The following CPNE7 variants were observed in gnomAD, a reference collection of about 807,000 sequenced individuals.
CPNE7 encodes the protein copine-7.
In CPNE7, 78 loss-of-function variants were observed where a neutral mutation model predicts 66.5. The ratio of observed to expected loss-of-function variants is 1.17; its 90% CI spans 0.98 to 1.42. CPNE7 has a LOEUF of 1.42. CPNE7 is among the 40% of genes most tolerant of loss of function. The pLI, the probability that CPNE7 is intolerant of heterozygous loss-of-function variation, is 0.00. For missense variants in CPNE7, 1,012 were observed against 776.6 expected (o/e 1.30, Z -3.60); for synonymous variants, 468 against 336.7 (o/e 1.39, Z -4.27).
intron 2 of CPNE7, among the ~76,000 whole-genome samples, chr16:89,577,943 C>T (rs754552132): frequency 6.6e-6 from 1 of 152,224 alleles, no homozygotes; most frequent in African/African-American, 2.4e-5. Context: ...GTATAAAAGG[C>T]TGTGGAGCGC....
intron 11 of CPNE7, 143 bp downstream of exon 11, chr16:89,590,094 C>G: frequency 1.1e-6 from 1 of 945,652 alleles, no homozygotes; most frequent in Non-Finnish European, 1.6e-6. Context: ...AGCGGGAACC[C>G]CAGCCTTCTA....
intron 14 of CPNE7, 155 bp downstream of exon 14, chr16:89,595,758 G>C (rs1164665074): frequency 2.6e-6 from 2 of 767,028 alleles, no homozygotes; most frequent in African/African-American, 3.4e-5. Flanking sequence ...GTCAAGAGCA[G>C]TATCTGAAGC....
At chr16:89,577,014 C>G (rs1054706250) in intron 1 of CPNE7, among the ~76,000 whole-genome samples, 2 of 152,218 alleles carry the variant, frequency 1.3e-5, no homozygotes, top group African/African-American at 4.8e-5. Flanking sequence ...TACGGGTGGC[C>G]CATGTTTGCC....
At chr16:89,596,461 A>G (rs756807255) in intron 14 of CPNE7, 23 bp from the exon 15 acceptor site, 1 of 1,595,030 alleles carries the variant, frequency 6.3e-7, no homozygotes, top group African/African-American at 1.3e-5. Flanking sequence ...TCCCAGAGGT[A>G]ACTGCGTTGT....
rs370333659 is a variant in CPNE7 at position 89,589,936 on chromosome 16, C to T, written c.1101C>T (p.Ile367=). 2.5e-6 allele frequency: 4 copies of T among 1,613,694 alleles called. No homozygotes were observed. Among genetic ancestry groups the T allele is most frequent in the East Asian group, 2.2e-5 (1 of 44,878 alleles). ...RFSALGFGAR[I]PPKYEVSHDF... ...CCGCTTTGGGGTTTGGAGCCCGGAT[C>T]CCTCCCAAGTATGAGGTAGGAGAGC... The change falls in exon 11 of 15, where the codon ATC becomes ATT. Residue 367 remains isoleucine (I), a synonymous_variant. Transcript: ENST00000319518.
chr16:89,591,122 C>T lies in CPNE7; in HGVS notation c.1169-5C>T, dbSNP rs375005058. The T allele has an allele frequency of 6.2e-6, 10 of 1,612,458 alleles. No homozygotes were observed. Among genetic ancestry groups the T allele is most frequent in the East Asian group, 4.5e-5 (2 of 44,860 alleles). On this transcript the variant is annotated splice_polypyrimidine_tract_variant and splice_region_variant and intron_variant, in intron 12 of 14. Transcript: ENST00000319518. ...GGGGCCGGGCTCACCCCCTGCCCCC[C>T]ACAGGCATCCAGGGCGTGGTGGAGG...
intron 8 of CPNE7, 126 bp downstream of exon 8, chr16:89,586,882 G>A: frequency 8.9e-7 from 1 of 1,127,654 alleles, no homozygotes; most frequent in Non-Finnish European, 1.3e-6. Context: ...GAGGGGCTGA[G>A]AGACGGGGAA....
Position 89,583,742 on chromosome 16 carries a change from G to A in CPNE7, c.403G>A (p.Gly135Ser). ...KVTRPLLLKF[G>S]RNAGKSTITV... ...GACCCGCCCGCTGCTGCTCAAGTTT[G>A]GCAGGAACGCTGGCAAGTCCACCAT... The change falls in exon 3 of 15, where the codon GGC becomes AGC. Residue 135 changes from glycine to serine, a missense_variant. By Grantham distance (56) the Gly-to-Ser change is moderately conservative (BLOSUM62 0). Coordinates refer to ENST00000319518, the MANE Select transcript of CPNE7 (RefSeq NM_153636.3). 2 of 1,612,784 alleles carry A rather than the reference G, an allele frequency of 1.2e-6. No homozygotes were observed. The highest frequency in any genetic ancestry group is 1.7e-6 in the Non-Finnish European group (2 of 1,179,932).
chr16:89,590,008 G>A, intron 11 of CPNE7, 57 bp downstream of exon 11: 1 of 1,593,316 alleles, frequency 6.3e-7, no homozygotes, highest in Non-Finnish European at 8.6e-7. Flanking sequence ...GCCCTCCCAG[G>A]CAGAGGACGG....
intron 7 of CPNE7, among the ~76,000 whole-genome samples, chr16:89,586,171 T>C (rs1269196593): frequency 6.6e-6 from 1 of 151,828 alleles, no homozygotes; most frequent in African/African-American, 2.4e-5. Flanking sequence ...GATGGGGTTG[T>C]GGGGAGTGGT....
intron 2 of CPNE7, chr16:89,583,469 G>A (rs942720707): frequency 2.0e-5 from 31 of 1,550,888 alleles, no homozygotes; most frequent in Non-Finnish European, 2.6e-5. Flanking sequence ...CCTCCCCTGG[G>A]CGACTGCTGG....
chr16:89,591,448 G>T (rs2080780773), intron 13 of CPNE7, among the ~76,000 whole-genome samples, 188 bp downstream of exon 13: 1 of 152,204 alleles, frequency 6.6e-6, no homozygotes, highest in African/African-American at 2.4e-5. Flanking sequence ...GGTGTCTCGG[G>T]CACAGGGCTG....
chr16:89,592,604 G>A (rs1353002019), intron 13 of CPNE7, among the ~76,000 whole-genome samples: 21 of 149,044 alleles, frequency 1.4e-4, no homozygotes, highest in South Asian at 6.4e-4. Flanking sequence ...CACCACGCCC[G>A]GCTAATTTTT....
chr16:89,575,962 C>G lies in CPNE7; in HGVS notation c.65C>G (p.Ser22Trp), dbSNP rs1435012831. 34 of 1,359,270 alleles carry G rather than the reference C, an allele frequency of 2.5e-5. No individual in the cohort carries two copies. The highest frequency in any genetic ancestry group is 3.0e-5 in the African/African-American group (2 of 65,698). The allele number at this position is 1,359,270 out of a possible 1,614,324, so 84.2% of individuals were successfully genotyped here. Reference protein sequence around the residue: ...TPGGLPAPCASKVELRLSCRH... With the variant: ...TPGGLPAPCAWKVELRLSCRH... ...GGGGGTTTGCCCGCGCCCTGCGCCT[C>G]GAAGGTGGAGCTGCGGCTCAGCTGC... The change falls in exon 1 of 15, where the codon TCG becomes TGG. Residue 22 changes from serine to tryptophan, a missense_variant. Coordinates refer to ENST00000319518, the MANE Select transcript of CPNE7 (RefSeq NM_153636.3).
intron 2 of CPNE7, among the ~76,000 whole-genome samples, chr16:89,580,532 A>G (rs1469385357): frequency 2.2e-4 from 29 of 132,240 alleles, no homozygotes; most frequent in African/African-American, 4.6e-4. Flanking sequence ...GGAACATCCC[A>G]TCACCCGTCA....
intron 8 of CPNE7, 81 bp downstream of exon 8, chr16:89,586,837 C>A: frequency 7.5e-7 from 1 of 1,334,414 alleles, no homozygotes; most frequent in Non-Finnish European, 1.1e-6. Context: ...GATGGACCCT[C>A]AACCAGAGGC....
intron 10 of CPNE7, 142 bp downstream of exon 10, chr16:89,588,950 C>T: frequency 2.0e-6 from 2 of 1,006,910 alleles, no homozygotes; most frequent in Non-Finnish European, 1.5e-6. Context: ...CCCCCCTGGG[C>T]TCCAGGTCAG....
intron 10 of CPNE7, 56 bp downstream of exon 10, chr16:89,588,864 C>A (rs1315239023): frequency 1.3e-6 from 2 of 1,598,198 alleles, no homozygotes; most frequent in Non-Finnish European, 1.7e-6. Context: ...ATGACAGGTG[C>A]GCCTGGCCGT....
rs1158118354 is a variant in CPNE7, at chr16:89,597,177, G to C, written c.*556G>C. On this transcript the variant is annotated 3_prime_UTR_variant, in exon 15 of 15. Coordinates refer to ENST00000319518, the MANE Select transcript of CPNE7 (RefSeq NM_153636.3). ...GGTCCATGGGGTCTGCGGGGTCTGC[G>C]GGGTCTGCCTGGCCTGTGGGTTCTG... 6.8e-6 allele frequency: 1 copy of C among 146,598 alleles called. No individual in the cohort carries two copies. The highest frequency in any genetic ancestry group is 1.5e-5 in the Non-Finnish European group (1 of 68,510). 9.1% of individuals were successfully genotyped at this position (146,598 alleles called of 1,614,324 possible). A position where few individuals can be genotyped will look rare whatever the true frequency, so the allele number is the denominator to read the frequency against.
Sources: allele counts gnomAD v4.1 joint callset (sites outside exome capture counted in the v4.1 genomes callset), GRCh38; gene constraint gnomAD v4.1.1; transcripts MANE v1.5; gene names NCBI Gene and HGNC (gene_info 2026-07-23, HGNC 2026-07-21).